Variants in IL1RAPL1 observed in about 807,000 individuals in gnomAD.
IL1RAPL1 encodes interleukin 1 receptor accessory protein like 1, also known as interleukin-1 receptor accessory protein-like 1.
A neutral mutation model predicts 48.4 loss-of-function variants in IL1RAPL1; 3 were observed. The ratio of observed to expected loss-of-function variants is 0.06; its 90% CI spans 0.03 to 0.16. The LOEUF is 0.16. Ranked by LOEUF, IL1RAPL1 falls within the 10% of genes least tolerant of loss-of-function variation. The probability of loss-of-function intolerance (pLI) is 1.00; values close to 1 mark genes in which losing one functional copy is unlikely to be tolerated. For missense variants in IL1RAPL1, 349 were observed against 530.6 expected, an observed-to-expected ratio of 0.66 and a Z score of 3.36; for synonymous variants, 185 against 187.7, an observed-to-expected ratio of 0.99 and a Z score of 0.12.
chrX:29,950,477 G>T (rs1303708815), intron 9 of IL1RAPL1, among the ~76,000 whole-genome samples: 1 of 111,155 alleles, frequency 9.0e-6, no homozygotes, highest in Non-Finnish European at 1.9e-5. Flanking sequence ...CTAGAACAGA[G>T]TTTATTGAAG....
At chrX:29,412,514 A>G (rs1348776774) in intron 5 of IL1RAPL1, among the ~76,000 whole-genome samples, 1 of 112,511 alleles carries the variant, frequency 8.9e-6, no homozygotes, top group East Asian at 2.8e-4. Flanking sequence ...TAATTTTTTT[A>G]TATTGATATC....
chrX:28,644,504 A>G (rs950410678), intron 1 of IL1RAPL1, among the ~76,000 whole-genome samples: 1 of 111,440 alleles, frequency 9.0e-6, no homozygotes, highest in African/African-American at 3.3e-5. Flanking sequence ...GCTCGTTGAT[A>G]CACACTCCCA....
intron 1 of IL1RAPL1, among the ~76,000 whole-genome samples, chrX:28,591,362 C>T (rs1470651984): frequency 8.9e-6 from 1 of 111,955 alleles, no homozygotes; most frequent in Non-Finnish European, 1.9e-5. Context: ...TTAGATAAAA[C>T]ATTTTAAAGA....
At chrX:29,411,813 C>G (rs978624898) in intron 5 of IL1RAPL1, among the ~76,000 whole-genome samples, 2 of 109,646 alleles carry the variant, frequency 1.8e-5, no homozygotes, top group Admixed American at 2.0e-4. Context: ...ACATTTTGGA[C>G]ACATATTTAA....
intron 1 of IL1RAPL1, among the ~76,000 whole-genome samples, chrX:28,780,749 T>C (rs1229756704): frequency 1.8e-5 from 2 of 110,204 alleles, no homozygotes; most frequent in African/African-American, 3.3e-5. Context: ...TAATTACTTA[T>C]GATAGCCAGC....
chrX:29,316,506 CTG>C (rs751581149), intron 3 of IL1RAPL1, among the ~76,000 whole-genome samples: 1 of 112,138 alleles, frequency 8.9e-6, no homozygotes, highest in East Asian at 2.8e-4. Flanking sequence ...AAACCAGACT[CTG>C]TAAAATATTT....
At position 28,833,589 on chromosome X, in the gene IL1RAPL1, T is replaced by A. The variant is rs141750945; in HGVS notation, c.82+44164T>A. ...TCTGGTGATTAGTGATGATAGCACA[T>A]CCCTTTAGATCAATACCAATTCAAT... On this transcript the variant is annotated intron_variant, in intron 2 of 10. Transcript: ENST00000378993. Among the ~76,000 whole-genome samples, 340 of 111,949 alleles carry A rather than the reference T, an allele frequency of 3.0e-3. 1 individual carries two copies. Among genetic ancestry groups the A allele is most frequent in the East Asian group, 0.022 (77 of 3,544 alleles).
At chrX:29,624,801 G>GCC (rs1213444659) in intron 5 of IL1RAPL1, among the ~76,000 whole-genome samples, 1 of 111,250 alleles carries the variant, frequency 9.0e-6, no homozygotes, top group Non-Finnish European at 1.9e-5. Flanking sequence ...AGCCAAGATT[G>GCC]CCCCCACTGC....
chrX:29,567,269 G>A (rs1451999531), intron 5 of IL1RAPL1, among the ~76,000 whole-genome samples: 1 of 110,215 alleles, frequency 9.1e-6, no homozygotes, highest in African/African-American at 3.3e-5. Context: ...AGCAAGGAGA[G>A]ATGCCAGAAA....
At chrX:29,387,870 G>A (rs771295473) in intron 3 of IL1RAPL1, among the ~76,000 whole-genome samples, 1 of 109,436 alleles carries the variant, frequency 9.1e-6, no homozygotes, top group Non-Finnish European at 1.9e-5. Flanking sequence ...GCAGGTGCCT[G>A]TAGTCCCAGC....
chrX:29,546,564 A>G (rs1490455788), intron 5 of IL1RAPL1, among the ~76,000 whole-genome samples: 1 of 111,804 alleles, frequency 8.9e-6, no homozygotes, highest in Non-Finnish European at 1.9e-5. Flanking sequence ...TACTTGTTCT[A>G]TTTCAAAATG....
Position 29,344,006 on chromosome X carries a change from T to G in IL1RAPL1, c.363-52252T>G, listed in dbSNP as rs779844767. On this transcript the variant is annotated intron_variant, in intron 3 of 10. Coordinates refer to ENST00000378993, the MANE Select transcript of IL1RAPL1 (RefSeq NM_014271.4). ...AAGATGCCAAGTACAGTATGAAAAT[T>G]GACATTTATCAGCACACTCTGTATG... Among the ~76,000 whole-genome samples the G allele has an allele frequency of 2.7e-5, 3 of 112,378 alleles. No individual in the cohort carries two copies. The East Asian group carries it at 8.4e-4, about 31-fold the overall frequency.
chrX:28,922,308 T>A (rs1267661952), intron 2 of IL1RAPL1, among the ~76,000 whole-genome samples: 2 of 112,043 alleles, frequency 1.8e-5, no homozygotes, highest in Non-Finnish European at 3.8e-5. Flanking sequence ...TGTTGGGCAA[T>A]GTAGTCCTGC....
chrX:29,450,403 A>G (rs1307136191), intron 5 of IL1RAPL1, among the ~76,000 whole-genome samples: 2 of 111,760 alleles, frequency 1.8e-5, no homozygotes, highest in African/African-American at 6.5e-5. Flanking sequence ...CTTGATCACA[A>G]CTACTTATCT....
At chrX:28,656,628 A>G (rs1364453074) in intron 1 of IL1RAPL1, among the ~76,000 whole-genome samples, 1 of 111,308 alleles carries the variant, frequency 9.0e-6, no homozygotes, top group Non-Finnish European at 1.9e-5. Flanking sequence ...TTCACATCCC[A>G]TCTCAGAGAG....
chrX:29,619,257 C>A (rs2147073285), intron 5 of IL1RAPL1, among the ~76,000 whole-genome samples: 1 of 111,636 alleles, frequency 9.0e-6, no homozygotes, highest in East Asian at 2.8e-4. Context: ...TCTTGGCTTC[C>A]AGGAAGTACA....
At chrX:29,738,814 C>A (rs988558117) in intron 6 of IL1RAPL1, among the ~76,000 whole-genome samples, 4 of 112,223 alleles carry the variant, frequency 3.6e-5, no homozygotes, top group African/African-American at 1.3e-4. Context: ...TTGAACAGGG[C>A]TCTCTTGGAG....
At chrX:29,862,842 T>C (rs1043185461) in intron 6 of IL1RAPL1, among the ~76,000 whole-genome samples, 2 of 108,866 alleles carry the variant, frequency 1.8e-5, no homozygotes, top group African/African-American at 6.7e-5. Flanking sequence ...GACAGACTCA[T>C]TGTGTTCTGA....
chrX:28,904,892 C>T (rs1335728062), intron 2 of IL1RAPL1, among the ~76,000 whole-genome samples: 1 of 111,762 alleles, frequency 8.9e-6, no homozygotes, highest in Admixed American at 9.5e-5. Flanking sequence ...AATTTTAATA[C>T]TTACCATTTA....
Sources: gnomAD v4.1 joint callset for allele counts (sites outside exome capture counted in the v4.1 genomes callset) on GRCh38, gnomAD v4.1.1 for gene constraint, MANE v1.5 for transcripts, NCBI Gene and HGNC (gene_info 2026-07-23, HGNC 2026-07-21) for gene names.